The following TOX4 variants were observed in gnomAD, a reference collection of about 807,000 sequenced individuals.
TOX4 encodes the protein TOX high mobility group box family member 4.
Under a neutral mutation model 61.0 loss-of-function variants are expected in TOX4, and 12 were observed. That is an observed-to-expected ratio of 0.20 (90% CI 0.13 to 0.32). TOX4 has a LOEUF of 0.32. TOX4 is among the 10% of genes least tolerant of loss of function. The pLI, the probability that TOX4 is intolerant of heterozygous loss-of-function variation, is 1.00. For missense variants in TOX4, 499 were observed against 753.3 expected (o/e 0.66, Z 3.95); for synonymous variants, 268 against 274.8 (o/e 0.98, Z 0.24).
chr14:21,477,562 G>A lies in TOX4; in HGVS notation c.73G>A (p.Glu25Lys). Reference sequence around the variant, plus strand: ...TTCGCACCCCTTCCTGTCAGGGGCCGAGGTGAGCCAGAGCTGCCGACGCCG... The same window carrying A: ...TTCGCACCCCTTCCTGTCAGGGGCCAAGGTGAGCCAGAGCTGCCGACGCCG... ...GPSHPFLSGAETFHTPSLGDE... is the reference protein window; with the variant it reads ...GPSHPFLSGAKTFHTPSLGDE... Residue 25 changes from glutamate (E) to lysine (K), a missense_variant and splice_region_variant, in exon 2 of 9, where the codon GAG (glutamate) becomes AAG (lysine). Coordinates refer to ENST00000448790, the MANE Select transcript of TOX4 (RefSeq NM_014828.4). 6.2e-7 allele frequency: 1 copy of A among 1,613,686 alleles called. No homozygotes were observed. Among genetic ancestry groups the A allele is most frequent in the South Asian group, 1.1e-5 (1 of 91,066 alleles).
chr14:21,483,123 C>T (rs1292336564), intron 2 of TOX4, among the ~76,000 whole-genome samples: 3 of 152,070 alleles, frequency 2.0e-5, no homozygotes, highest in Non-Finnish European at 4.4e-5. Flanking sequence ...GGAGAACATT[C>T]CAGATGGTTT....
Position 21,488,858 on chromosome 14 carries a change from A to G in TOX4, c.579+8A>G, listed in dbSNP as rs1416856581. On this transcript the variant is annotated splice_region_variant and intron_variant, in intron 4 of 8. Coordinates refer to ENST00000448790, the MANE Select transcript of TOX4 (RefSeq NM_014828.4). ...GTTGAGGATTTCCGGAGGGTGAGGC[A>G]TTCCCTGTCAAAATCAATTCTGCTG... The G allele has an allele frequency of 1.2e-6, 2 of 1,612,484 alleles. No individual in the cohort carries two copies. Among genetic ancestry groups the G allele is most frequent in the Non-Finnish European group, 1.7e-6 (2 of 1,178,594 alleles).
rs1048780215 is a variant in TOX4 at position 21,479,796 on chromosome 14, C to A, written c.75+2232C>A. Reference sequence around the variant, plus strand: ...CTTACCTGCATGAAATTCCCAATTTCTCCTCAATCAGGTCTCCACAGTTTA... The same window carrying A: ...CTTACCTGCATGAAATTCCCAATTTATCCTCAATCAGGTCTCCACAGTTTA... On this transcript the variant is annotated intron_variant, in intron 2 of 8. Coordinates refer to ENST00000448790, the MANE Select transcript of TOX4 (RefSeq NM_014828.4). Among the ~76,000 whole-genome samples the A allele has an allele frequency of 2.6e-5, 4 of 152,176 alleles. No homozygotes were observed. The South Asian group carries it at 8.3e-4, about 32-fold the overall frequency.
intron 5 of TOX4, among the ~76,000 whole-genome samples, chr14:21,490,811 T>C (rs1891275004): frequency 6.6e-6 from 1 of 152,222 alleles, no homozygotes; most frequent in African/African-American, 2.4e-5. Flanking sequence ...ACTACCAAGT[T>C]TGGATTTAGA....
intron 2 of TOX4, among the ~76,000 whole-genome samples, chr14:21,481,643 C>G (rs1386923668): frequency 6.6e-6 from 1 of 152,184 alleles, no homozygotes; most frequent in Non-Finnish European, 1.5e-5. Flanking sequence ...TCACCAAAAA[C>G]ATGTTCACAA....
rs184585412 is a variant in TOX4 at position 21,493,563 on chromosome 14, T to C, written c.1641+306T>C. Among the ~76,000 whole-genome samples, 430 of 152,188 alleles carry C rather than the reference T, an allele frequency of 2.8e-3. 2 individuals carry two copies. Among genetic ancestry groups the C allele is most frequent in the African/African-American group, 9.5e-3 (393 of 41,522 alleles). Reference sequence around the variant, plus strand: ...TTCAAGAGATTCTCCTGCCTCAGCCTCCCGAGTGGCTGGGATTACAGGCAT... The same window carrying C: ...TTCAAGAGATTCTCCTGCCTCAGCCCCCCGAGTGGCTGGGATTACAGGCAT... On this transcript the variant is annotated intron_variant, in intron 7 of 8. Coordinates refer to ENST00000448790, the MANE Select transcript of TOX4 (RefSeq NM_014828.4).
rs1891008494 is a variant in TOX4, at chr14:21,477,284, G to A, written c.6G>A (p.Glu2=). The A allele has an allele frequency of 6.2e-7, 1 of 1,614,084 alleles. No individual in the cohort carries two copies. Among genetic ancestry groups the A allele is most frequent in the Non-Finnish European group, 8.5e-7 (1 of 1,179,980 alleles). Residue 2 remains glutamate, a splice_region_variant and synonymous_variant, in exon 1 of 9, where the codon GAG becomes GAA. Transcript: ENST00000448790. The stretch of plus-strand genomic sequence containing the variant: ...GTGGGAGCGGTTGTGTGAAGATGGA[G>A]GTAGGAACCTGATAGCTAAGAAGGC... The part of the protein sequence containing the change: M[E]FPGGNDNYLT...
At position 21,486,024 on chromosome 14, in the gene TOX4, G is replaced by C. The variant is rs1392260063; in HGVS notation, c.76-1427G>C. The stretch of plus-strand genomic sequence containing the variant: ...GAGACTAGCCTGGGCAACACAGGGA[G>C]AGCTCGTCTCCACAAAAAATTTTAA... On this transcript the variant is annotated intron_variant, in intron 2 of 8. Coordinates refer to ENST00000448790, the MANE Select transcript of TOX4 (RefSeq NM_014828.4). Among the ~76,000 whole-genome samples, 3 of 101,206 alleles carry C rather than the reference G, an allele frequency of 3.0e-5. 1 individual carries two copies. The highest frequency in any genetic ancestry group is 6.4e-5 in the Non-Finnish European group (3 of 46,684). 66.4% of individuals were successfully genotyped at this position (101,206 alleles called of 152,430 possible).
At chr14:21,494,296 C>A (rs554637332) in intron 7 of TOX4, among the ~76,000 whole-genome samples, 26 of 152,178 alleles carry the variant, frequency 1.7e-4, no homozygotes, top group Non-Finnish European at 3.4e-4. Flanking sequence ...TGGTTCATAC[C>A]GTTATTTTTT....
intron 8 of TOX4, chr14:21,496,270 G>T: frequency 4.1e-6 from 1 of 243,568 alleles, no homozygotes; most frequent in Non-Finnish European, 8.0e-6. Context: ...GCTCACGCTT[G>T]TAATCCCAGC....
At chr14:21,478,451 T>C (rs1207777974) in intron 2 of TOX4, among the ~76,000 whole-genome samples, 1 of 152,222 alleles carries the variant, frequency 6.6e-6, no homozygotes, top group Non-Finnish European at 1.5e-5. Flanking sequence ...GCTGTAATTA[T>C]AGTTTCTTAT....
In TOX4 at chr14:21,489,179, C is replaced by G; in HGVS notation, c.586C>G (p.Pro196Ala). ...TCTTTTTTCTCTCCTACAGCAACTT[C>G]CCAGCCAGAAGACAGTCGTGGTGGA... is the stretch of plus-strand genomic sequence containing the variant. The part of the protein sequence containing the change: ...DGVEDFRRQL[P>A]SQKTVVVEAG... Residue 196 changes from proline (P) to alanine (A), a missense_variant, in exon 5 of 9, where the codon CCC (proline) becomes GCC (alanine). This residue lies in a region of TOX4 where 61 missense variants were observed against 76.1 expected (regional missense o/e 0.80). Coordinates refer to ENST00000448790, the MANE Select transcript of TOX4 (RefSeq NM_014828.4). 6.2e-7 allele frequency: 1 copy of G among 1,613,220 alleles called. No individual in the cohort carries two copies. Among genetic ancestry groups the G allele is most frequent in the Non-Finnish European group, 8.5e-7 (1 of 1,179,832 alleles).
At position 21,495,213 on chromosome 14, in the gene TOX4, C is replaced by T; in HGVS notation, c.1642-16C>T. ...GAGCAATCTAATCCACCTTGGTACT[C>T]TTCTTCTTCTCACAGGTTGAGTCTC... On this transcript the variant is annotated splice_polypyrimidine_tract_variant and intron_variant, in intron 7 of 8. Coordinates refer to ENST00000448790, the MANE Select transcript of TOX4 (RefSeq NM_014828.4). The T allele has an allele frequency of 6.2e-7, 1 of 1,612,392 alleles. No homozygotes were observed. The highest frequency in any genetic ancestry group is 8.5e-7 in the Non-Finnish European group (1 of 1,179,292).
intron 2 of TOX4, among the ~76,000 whole-genome samples, chr14:21,483,345 T>C (rs1251854292): frequency 6.6e-6 from 1 of 151,956 alleles, no homozygotes; most frequent in African/African-American, 2.4e-5. Flanking sequence ...ATTAGTCTAG[T>C]ACAGTAAATG....
intron 2 of TOX4, among the ~76,000 whole-genome samples, chr14:21,480,613 T>C (rs1891091149): frequency 6.6e-6 from 1 of 152,148 alleles, no homozygotes; most frequent in South Asian, 2.1e-4. Flanking sequence ...CCATAAAAAG[T>C]TCTAACCATT....
At chr14:21,482,569 C>G (rs1310682402) in intron 2 of TOX4, 1 of 469,166 alleles carries the variant, frequency 2.1e-6, no homozygotes, top group African/African-American at 2.0e-5. Flanking sequence ...TTCAAAAAGG[C>G]CCAGGAATTG....
chr14:21,487,780 G>A (rs1891213977), intron 3 of TOX4, 87 bp downstream of exon 3: 1 of 1,417,276 alleles, frequency 7.1e-7, no homozygotes, highest in East Asian at 2.5e-5. Context: ...TGCTACACTT[G>A]GGTATTACTT....
chr14:21,480,063 G>A (rs550968158), intron 2 of TOX4, among the ~76,000 whole-genome samples: 3 of 152,138 alleles, frequency 2.0e-5, no homozygotes, highest in South Asian at 4.2e-4. Context: ...AAATTCCTAG[G>A]CTCAAGCGAT....
Position 21,499,005 on chromosome 14 carries a change from C to G in TOX4, c.*2399C>G. The G allele has an allele frequency of 6.5e-7, 1 of 1,548,026 alleles. No individual in the cohort carries two copies. Among genetic ancestry groups the G allele is most frequent in the Non-Finnish European group, 8.9e-7 (1 of 1,119,662 alleles). Reference sequence around the variant, plus strand: ...AAATAATAGCCCCTTGAGGACTAGCCTGTTCTCTGGTCACCTTACCAGTTG... The same window carrying G: ...AAATAATAGCCCCTTGAGGACTAGCGTGTTCTCTGGTCACCTTACCAGTTG... On this transcript the variant is annotated 3_prime_UTR_variant, in exon 9 of 9. Transcript: ENST00000448790.
Sources: gnomAD v4.1 joint callset for allele counts (sites outside exome capture counted in the v4.1 genomes callset) on GRCh38, gnomAD v4.1.1 for gene constraint, gnomAD v4.1.1 regional missense constraint, MANE v1.5 for transcripts, NCBI Gene and HGNC (gene_info 2026-07-23, HGNC 2026-07-21) for gene names.